ATG16L1: variants seen among roughly 807,000 people sequenced by gnomAD.
ATG16L1 encodes autophagy-related protein 16-1.
A neutral mutation model predicts 88.5 loss-of-function variants in ATG16L1; 37 were observed. The observed-to-expected ratio is 0.42, with a 90% confidence interval of 0.32 to 0.55. The LOEUF (loss-of-function observed/expected upper bound fraction) is 0.55. ATG16L1 is among the 20% of genes least tolerant of loss of function. The pLI is 0.13. For missense variants in ATG16L1, 554 were observed against 752.8 expected, an observed-to-expected ratio of 0.74 and a Z score of 3.09; for synonymous variants, 301 against 281.0, an observed-to-expected ratio of 1.07 and a Z score of -0.71.
At position 233,273,323 on chromosome 2, in the gene ATG16L1, G is replaced by A. The variant is rs573643865; in HGVS notation, c.794+271G>A. On this transcript the variant is annotated intron_variant, in intron 7 of 17. Coordinates refer to ENST00000392017, the MANE Select transcript of ATG16L1 (RefSeq NM_030803.7). ...AATATGGACAGTGAAACCTTATTAA[G>A]CAGAATGATTGTTTAGGTTTGATCA... The A allele has an allele frequency of 5.9e-6, 3 of 508,150 alleles. No homozygotes were observed. In the South Asian group the frequency reaches 8.3e-5, roughly 14 times the overall value. The allele number at this position is 508,150 out of a possible 1,614,324, so 31.5% of individuals were successfully genotyped here. A position where few individuals can be genotyped will look rare whatever the true frequency, so the allele number is the denominator to read the frequency against.
rs1294564609 is a variant in ATG16L1, at chr2:233,263,036, A to T, written c.210-94A>T. 6.6e-6 allele frequency: 7 copies of T among 1,063,196 alleles called. No homozygotes were observed. The East Asian group carries it at 1.8e-4, about 27-fold the overall frequency. 65.9% of individuals were successfully genotyped at this position (1,063,196 alleles called of 1,614,324 possible). A position where few individuals can be genotyped will look rare whatever the true frequency, so the allele number is the denominator to read the frequency against. The stretch of plus-strand genomic sequence containing the variant: ...GCTTTGTGAACATGTTTCTGGAGTT[A>T]TGGTTTCATTGCCTAATTGGAAAGG... On this transcript the variant is annotated intron_variant, in intron 2 of 17. Transcript: ENST00000392017.
chr2:233,284,091 A>G (rs1192920613), intron 12 of ATG16L1, among the ~76,000 whole-genome samples: 4 of 148,334 alleles, frequency 2.7e-5, no homozygotes, highest in Non-Finnish European at 1.5e-5. Flanking sequence ...TGATCCACCC[A>G]CCTCGGCCTC....
intron 10 of ATG16L1, among the ~76,000 whole-genome samples, chr2:233,278,366 C>G (rs553216472): frequency 6.6e-6 from 1 of 152,096 alleles, no homozygotes; most frequent in Non-Finnish European, 1.5e-5. Context: ...AAAGTAAGGC[C>G]GAAGAATAAG....
Position 233,294,533 on chromosome 2 carries a change from T to C in ATG16L1, c.*183T>C. On this transcript the variant is annotated 3_prime_UTR_variant, in exon 18 of 18. Coordinates refer to ENST00000392017, the MANE Select transcript of ATG16L1 (RefSeq NM_030803.7). Reference sequence around the variant, plus strand: ...CTGAAGATTTGACTGAGGTCTCTCTTGGCCTGGAAGAATAACACTGAAAAA... The same window carrying C: ...CTGAAGATTTGACTGAGGTCTCTCTCGGCCTGGAAGAATAACACTGAAAAA... The C allele has an allele frequency of 2.0e-6, 1 of 494,974 alleles. No homozygotes were observed. Among genetic ancestry groups the C allele is most frequent in the African/African-American group, 2.0e-5 (1 of 50,566 alleles). 30.7% of individuals were successfully genotyped at this position (494,974 alleles called of 1,614,324 possible).
At chr2:233,290,960 A>G (rs1207584203) in intron 14 of ATG16L1, among the ~76,000 whole-genome samples, 1 of 152,210 alleles carries the variant, frequency 6.6e-6, no homozygotes, top group African/African-American at 2.4e-5. Context: ...GGAGTCTAGT[A>G]GACGACTTTG....
chr2:233,281,140 A>G lies in ATG16L1; in HGVS notation c.1096A>G (p.Asn366Asp). 6.2e-7 allele frequency: 1 copy of G among 1,604,606 alleles called. No individual in the cohort carries two copies. Among genetic ancestry groups the G allele is most frequent in the Non-Finnish European group, 8.5e-7 (1 of 1,177,590 alleles). Residue 366 changes from asparagine (N) to aspartate (D), a missense_variant, in exon 11 of 18, where the codon AAT (asparagine) becomes GAT (aspartate). Around this residue, in one of 5 missense-constraint regions of ATG16L1, gnomAD observed 370 missense variants for 509.7 expected, o/e 0.73. Coordinates refer to ENST00000392017, the MANE Select transcript of ATG16L1 (RefSeq NM_030803.7). ...CEFKGSLSGS[N>D]AGITSIEFDS... ...GTTCAAGGGTTCCCTATCTGGCAGT[A>G]ATGCAGGAATTACAAGCATTGAATT...
intron 5 of ATG16L1, among the ~76,000 whole-genome samples, chr2:233,268,229 G>A (rs561117419): frequency 6.6e-6 from 1 of 152,340 alleles, no homozygotes; most frequent in South Asian, 2.1e-4. Flanking sequence ...GCCAAGGCAG[G>A]TGGATCACCT....
At chr2:233,253,104 T>C (rs1291305127) in intron 1 of ATG16L1, among the ~76,000 whole-genome samples, 4 of 152,202 alleles carry the variant, frequency 2.6e-5, no homozygotes, top group African/African-American at 9.7e-5. Flanking sequence ...TGTGTGAGAT[T>C]AAGCCTAGAA....
In ATG16L1 at chr2:233,270,033, G is replaced by A; in HGVS notation, c.673G>A (p.Ala225Thr). 6.3e-7 allele frequency: 1 copy of A among 1,585,328 alleles called. No homozygotes were observed. Among genetic ancestry groups the A allele is most frequent in the Admixed American group, 1.8e-5 (1 of 54,796 alleles). The change falls in exon 6 of 18, where the codon GCA (alanine) becomes ACA (threonine). Residue 225 changes from alanine (A) to threonine (T), a missense_variant. By Grantham distance (58) the Ala-to-Thr change is moderately conservative. Around this residue, in one of 5 missense-constraint regions of ATG16L1, gnomAD observed 370 missense variants for 509.7 expected, o/e 0.73. Transcript: ENST00000392017. The part of the protein sequence containing the change: ...RRQARLQKEL[A>T]EAAKEPLPVE... ...GCAAGCCCGGCTGCAGAAAGAGCTT[G>A]CAGAAGCAGCAAAGGAACCTCTACC...
At chr2:233,263,053 T>C in intron 2 of ATG16L1, 77 bp from the exon 3 acceptor site, 2 of 1,235,674 alleles carry the variant, frequency 1.6e-6, no homozygotes, top group Non-Finnish European at 2.3e-6. Flanking sequence ...CATTGCCTAA[T>C]TGGAAAGGTT....
chr2:233,293,361 A>G lies in ATG16L1; in HGVS notation c.1730+4A>G, dbSNP rs371272328. 3.7e-6 allele frequency: 6 copies of G among 1,612,056 alleles called. No homozygotes were observed. Among genetic ancestry groups the G allele is most frequent in the Non-Finnish European group, 5.1e-6 (6 of 1,178,394 alleles). ...AGGTTCTTTCAAAGCAGCACAGGTAAGATGAACCCTGTCTCAGCCCCCCGT... is the reference window on the plus strand; with the variant it reads ...AGGTTCTTTCAAAGCAGCACAGGTAGGATGAACCCTGTCTCAGCCCCCCGT... On this transcript the variant is annotated splice_donor_region_variant and intron_variant, in intron 17 of 17. Coordinates refer to ENST00000392017, the MANE Select transcript of ATG16L1 (RefSeq NM_030803.7).
At chr2:233,283,501 TTG>T (rs1470379475) in intron 12 of ATG16L1, among the ~76,000 whole-genome samples, 1 of 151,982 alleles carries the variant, frequency 6.6e-6, no homozygotes, top group Non-Finnish European at 1.5e-5. Flanking sequence ...CACAAGCCGT[TTG>T]TGTGTGTCAA....
intron 1 of ATG16L1, among the ~76,000 whole-genome samples, chr2:233,252,363 C>T (rs1345501683): frequency 6.6e-6 from 1 of 152,052 alleles, no homozygotes; most frequent in Non-Finnish European, 1.5e-5. Context: ...TCCCTTACTC[C>T]ACCTTGGTGG....
At chr2:233,265,165 A>C (rs774308178) in intron 5 of ATG16L1, 22 bp downstream of exon 5, 2 of 1,612,778 alleles carry the variant, frequency 1.2e-6, no homozygotes, top group African/African-American at 2.7e-5. Context: ...ATCCACAGTT[A>C]GTGGTTTCCA....
chr2:233,290,709 A>C (rs528471888), intron 14 of ATG16L1, among the ~76,000 whole-genome samples: 12 of 152,338 alleles, frequency 7.9e-5, no homozygotes, highest in Admixed American at 7.2e-4. Flanking sequence ...CAGTGTGTTA[A>C]AGAATGCCTC....
At chr2:233,267,060 G>T (rs13009506) in intron 5 of ATG16L1, among the ~76,000 whole-genome samples, 63,355 of 152,030 alleles carry the variant, frequency 0.42, 14,279 homozygotes, top group Non-Finnish European at 0.52. Flanking sequence ...GTTAGAAGGT[G>T]TAAGATTGGC....
At chr2:233,280,425 A>G (rs902651324) in intron 10 of ATG16L1, among the ~76,000 whole-genome samples, 1 of 152,188 alleles carries the variant, frequency 6.6e-6, no homozygotes, top group Non-Finnish European at 1.5e-5. Context: ...CTGGAAGCAG[A>G]GTAGATAAAG....
At chr2:233,293,089 A>G (rs1699572454) in intron 16 of ATG16L1, among the ~76,000 whole-genome samples, 167 bp from the exon 17 acceptor site, 1 of 152,198 alleles carries the variant, frequency 6.6e-6, no homozygotes, top group Non-Finnish European at 1.5e-5. Context: ...TACTGGGGAA[A>G]AGCAGATTTG....
intron 2 of ATG16L1, among the ~76,000 whole-genome samples, chr2:233,262,087 C>T (rs981162203): frequency 6.6e-6 from 1 of 152,214 alleles, no homozygotes; most frequent in African/African-American, 2.4e-5. Context: ...TTGCCCATTT[C>T]AGTGGGTGAC....
Sources: gnomAD v4.1 joint callset for allele counts (sites outside exome capture counted in the v4.1 genomes callset) on GRCh38, gnomAD v4.1.1 for gene constraint, gnomAD v4.1.1 regional missense constraint, MANE v1.5 for transcripts, NCBI Gene and HGNC (gene_info 2026-07-23, HGNC 2026-07-21) for gene names.